Variants in RIT2 observed in about 807,000 individuals in gnomAD.
The protein encoded by RIT2 is Ras like without CAAX 2, also known as GTP-binding protein Rit2.
In RIT2, 24 loss-of-function variants were observed where a neutral mutation model predicts 23.7. The observed-to-expected ratio is 1.01, with a 90% confidence interval of 0.73 to 1.43. The LOEUF is 1.43. Ranked by LOEUF, RIT2 falls within the 40% of genes most tolerant of loss-of-function variation. The pLI is 0.00. For missense variants in RIT2, 236 were observed against 266.9 expected (o/e 0.88, Z 0.81); for synonymous variants, 107 against 91.1 (o/e 1.17, Z -0.99).
intron 4 of RIT2, among the ~76,000 whole-genome samples, chr18:42,866,769 A>C (rs1907482559): frequency 6.6e-6 from 1 of 152,074 alleles, no homozygotes; most frequent in African/African-American, 2.4e-5. Flanking sequence ...ATTTAACCTC[A>C]GTATTATTTA....
chr18:42,817,615 T>C (rs1906034278), intron 4 of RIT2, among the ~76,000 whole-genome samples: 1 of 152,076 alleles, frequency 6.6e-6, no homozygotes, highest in African/African-American at 2.4e-5. Context: ...TTGATGAGTG[T>C]CGCTTATCTT....
rs1050534247 is a variant in RIT2, at chr18:43,115,627, C to G, written c.-108G>C. ...CTGTGTCAAAGCAAAGGTTTTAGTA[C>G]GAGGTAAGAACCATCAGCGTCGGGC... On this transcript the variant is annotated 5_prime_UTR_variant, in exon 1 of 5. Coordinates refer to ENST00000326695, the MANE Select transcript of RIT2 (RefSeq NM_002930.4). The G allele has an allele frequency of 1.4e-6, 2 of 1,450,862 alleles. No individual in the cohort carries two copies. Among genetic ancestry groups the G allele is most frequent in the Admixed American group, 5.5e-5 (2 of 36,490 alleles). 89.9% of individuals were successfully genotyped at this position (1,450,862 alleles called of 1,614,324 possible).
intron 4 of RIT2, among the ~76,000 whole-genome samples, chr18:42,835,361 TTAAA>T (rs1251820203): frequency 6.6e-6 from 1 of 152,030 alleles, no homozygotes; most frequent in East Asian, 1.9e-4. Context: ...GTTCTATACC[TTAAA>T]TATACACAAT....
chr18:42,954,766 T>C (rs1909934301), intron 3 of RIT2, among the ~76,000 whole-genome samples: 1 of 152,156 alleles, frequency 6.6e-6, no homozygotes, highest in Admixed American at 6.6e-5. Flanking sequence ...CTCCAGCCCA[T>C]ACCGTGAATT....
chr18:43,082,392 T>C (rs1913177972), intron 1 of RIT2, among the ~76,000 whole-genome samples: 1 of 152,100 alleles, frequency 6.6e-6, no homozygotes, highest in Admixed American at 6.6e-5. Context: ...GCCAGCATCA[T>C]CCTGATACCA....
intron 2 of RIT2, among the ~76,000 whole-genome samples, chr18:43,026,580 G>GAAAGAAAGAAATAAAT (rs1911726790): frequency 7.8e-5 from 5 of 63,862 alleles, no homozygotes; most frequent in Non-Finnish European, 1.7e-4. Context: ...AAATAAGAAA[G>GAAAGAAAGAAATAAAT]AAAGAAAGAA....
chr18:42,968,519 T>C (rs966651545), intron 3 of RIT2, among the ~76,000 whole-genome samples: 1 of 152,130 alleles, frequency 6.6e-6, no homozygotes, highest in Non-Finnish European at 1.5e-5. Context: ...TTCTATCAGT[T>C]TGGGATGTGA....
intron 4 of RIT2, among the ~76,000 whole-genome samples, chr18:42,754,466 C>A (rs766219800): frequency 6.6e-6 from 1 of 152,114 alleles, no homozygotes; most frequent in South Asian, 2.1e-4. Flanking sequence ...TATGCCTTTG[C>A]GTATTGCTTT....
At chr18:42,773,015 T>A (rs1052861088) in intron 4 of RIT2, among the ~76,000 whole-genome samples, 1 of 152,180 alleles carries the variant, frequency 6.6e-6, no homozygotes, top group Non-Finnish European at 1.5e-5. Context: ...TACCCTCCAA[T>A]CAGAGCCATA....
intron 4 of RIT2, among the ~76,000 whole-genome samples, chr18:42,852,151 G>A (rs902383404): frequency 2.6e-5 from 4 of 152,224 alleles, no homozygotes; most frequent in Admixed American, 2.6e-4. Flanking sequence ...CCTGAAGACA[G>A]CTATTAAAAT....
intron 1 of RIT2, among the ~76,000 whole-genome samples, chr18:43,095,216 A>G (rs2144365971): frequency 6.6e-6 from 1 of 152,212 alleles, no homozygotes; most frequent in East Asian, 1.9e-4. Flanking sequence ...CATCCTCTAC[A>G]GCATCTGTTC....
At chr18:42,869,259 C>T (rs1011531169) in intron 4 of RIT2, among the ~76,000 whole-genome samples, 2 of 152,214 alleles carry the variant, frequency 1.3e-5, no homozygotes, top group Non-Finnish European at 2.9e-5. Context: ...AGATCCCTCA[C>T]ATGCACAGTT....
chr18:43,045,321 G>A (rs1319313761), intron 1 of RIT2, among the ~76,000 whole-genome samples: 3 of 152,100 alleles, frequency 2.0e-5, no homozygotes, highest in Non-Finnish European at 4.4e-5. Flanking sequence ...TTTGTCACAG[G>A]AGTTATTGTA....
chr18:43,020,513 T>A (rs1397911190), intron 2 of RIT2, among the ~76,000 whole-genome samples: 4 of 151,344 alleles, frequency 2.6e-5, no homozygotes, highest in Non-Finnish European at 4.4e-5. Context: ...ACAAAAAAAA[T>A]GCATATGAAA....
chr18:42,863,908 G>A (rs1282189614), intron 4 of RIT2, among the ~76,000 whole-genome samples: 1 of 151,872 alleles, frequency 6.6e-6, no homozygotes, highest in African/African-American at 2.4e-5. Context: ...AAATAATCGG[G>A]GTACTGAAGC....
chr18:43,115,332 C>A, intron 1 of RIT2, 85 bp downstream of exon 1: 1 of 1,529,776 alleles, frequency 6.5e-7, no homozygotes, highest in Non-Finnish European at 8.9e-7. Flanking sequence ...CCTCTAACAG[C>A]ATCAGCAATA....
chr18:42,795,546 T>G (rs1175190911), intron 4 of RIT2, among the ~76,000 whole-genome samples: 1 of 152,160 alleles, frequency 6.6e-6, no homozygotes, highest in Non-Finnish European at 1.5e-5. Context: ...CGCCTGAGCC[T>G]CCCGGATGAG....
Position 43,109,868 on chromosome 18 carries a change from T to C in RIT2, c.103+5549A>G, listed in dbSNP as rs188321741. ...TTTCACCAAATAATTCCAAGATGTG[T>C]CCTAGGGACCAGAGAAGGACATAAA... On this transcript the variant is annotated intron_variant, in intron 1 of 4. Transcript: ENST00000326695. Among the ~76,000 whole-genome samples the C allele has an allele frequency of 8.5e-4, 129 of 152,270 alleles. 1 individual carries two copies. The highest frequency in any genetic ancestry group is 6.2e-4 in the South Asian group (3 of 4,828).
At chr18:42,891,206 G>T (rs1165224817) in intron 4 of RIT2, among the ~76,000 whole-genome samples, 1 of 152,066 alleles carries the variant, frequency 6.6e-6, no homozygotes, top group Admixed American at 6.6e-5. Flanking sequence ...TTCCCTAATA[G>T]TACACTCAGC....
Sources: allele counts gnomAD v4.1 joint callset (sites outside exome capture counted in the v4.1 genomes callset), GRCh38; gene constraint gnomAD v4.1.1; transcripts MANE v1.5; gene names NCBI Gene and HGNC (gene_info 2026-07-23, HGNC 2026-07-21).